The following ZNF808 variants were observed in gnomAD, a reference collection of about 807,000 sequenced individuals.
ZNF808 encodes the protein zinc finger protein 808.
ZNF808 carries 5 observed loss-of-function variants against 8.7 expected under a neutral mutation model. The observed-to-expected ratio is 0.58, with a 90% CI of 0.30 to 1.21. ZNF808 has a LOEUF of 1.21. Ranked by LOEUF, ZNF808 falls within the 50% of genes most tolerant of loss-of-function variation. The pLI is 0.07. For synonymous variants in ZNF808, 380 were observed against 366.0 expected, an observed-to-expected ratio of 1.04 and a Z score of -0.44; for missense variants, 1,103 against 1,098.4, an observed-to-expected ratio of 1.00 and a Z score of -0.06.
downstream of ZNF808, among the ~76,000 whole-genome samples, chr19:52,567,466 C>A (rs2059875601): frequency 6.9e-6 from 1 of 145,258 alleles, no homozygotes; most frequent in Non-Finnish European, 1.5e-5. Flanking sequence ...AGGCTTGAGA[C>A]ACCTTGTCCA....
intron 1 of ZNF808, among the ~76,000 whole-genome samples, chr19:52,532,348 C>G (rs1332932962): frequency 2.0e-5 from 3 of 151,928 alleles, no homozygotes; most frequent in Non-Finnish European, 4.4e-5. Flanking sequence ...GCCTCTGCCT[C>G]CTGAGTAGCT....
rs2123132041 is a variant in ZNF808, at chr19:52,543,366, G to T, written c.63+19G>T. On this transcript the variant is annotated intron_variant, in intron 3 of 4. Coordinates refer to ENST00000359798, the MANE Select transcript of ZNF808 (RefSeq NM_001039886.4). The stretch of plus-strand genomic sequence containing the variant: ...TCCTCAGGTGAAGTGATATTCCTCT[G>T]TGGATTAATCTGTCTCTTTCCTTTC... The T allele has an allele frequency of 1.2e-6, 2 of 1,610,876 alleles. No individual in the cohort carries two copies. Among genetic ancestry groups the T allele is most frequent in the South Asian group, 1.1e-5 (1 of 90,984 alleles).
chr19:52,567,427 CTTTTTT>C (rs1292921599), downstream of ZNF808, among the ~76,000 whole-genome samples: 2 of 135,534 alleles, frequency 1.5e-5, no homozygotes, highest in African/African-American at 5.5e-5. Context: ...TTTTTTTTTT[CTTTTTT>C]TTTTTAAGAC....
At chr19:52,568,230 C>G (rs547891571), downstream of ZNF808, among the ~76,000 whole-genome samples, 1 of 152,090 alleles carries the variant, frequency 6.6e-6, no homozygotes, top group East Asian at 1.9e-4. Flanking sequence ...AGCCATTAGC[C>G]GGGCATGGTG....
chr19:52,564,404 CAT>C lies in ZNF808; in HGVS notation c.*1510_*1511del, dbSNP rs372045844. 6.2e-4 allele frequency: 211 copies of C among 340,012 alleles called. 1 individual carries two copies. The East Asian group carries it at 8.9e-3, about 14-fold the overall frequency. The allele number at this position is 340,012 out of a possible 1,614,324, so 21.1% of individuals were successfully genotyped here. On this transcript the variant is annotated 3_prime_UTR_variant and NMD_transcript_variant, in exon 4 of 4. Transcript: ENST00000487863. ...TTGGTTGGGTGGGTTCAGTAATAAA[CAT>C]GTGAGACCTTTCATTTCAAAAAAAA...
At chr19:52,536,954 A>T (rs1366309145) in intron 2 of ZNF808, among the ~76,000 whole-genome samples, 1 of 152,150 alleles carries the variant, frequency 6.6e-6, no homozygotes, top group Non-Finnish European at 1.5e-5. Flanking sequence ...TGGGAAGCTT[A>T]GGCGGGCGGA....
chr19:52,548,418 A>G (rs2059744015), intron 4 of ZNF808, among the ~76,000 whole-genome samples: 1 of 152,066 alleles, frequency 6.6e-6, no homozygotes, highest in Admixed American at 6.6e-5. Context: ...CAACTTGTTC[A>G]TTTCTATGTT....
chr19:52,567,017 T>C (rs1309019201), downstream of ZNF808, among the ~76,000 whole-genome samples: 1 of 150,560 alleles, frequency 6.6e-6, no homozygotes, highest in Non-Finnish European at 1.5e-5. Flanking sequence ...AATAGGACAA[T>C]CTCGGCTCAT....
chr19:52,554,966 T>G lies in ZNF808; in HGVS notation c.2050T>G (p.Cys684Gly). Reference protein sequence around the residue: ...GGEKSYKCKVCDKAFVCRSYV... With the variant: ...GGEKSYKCKVGDKAFVCRSYV... ...AGAGAAATCTTACAAATGTAAGGTT[T>G]GTGACAAGGCTTTCGTGTGTCGTTC... is the stretch of plus-strand genomic sequence containing the variant. The change falls in exon 5 of 5, where the codon TGT becomes GGT. Residue 684 changes from cysteine (C) to glycine (G), a missense_variant. By Grantham distance (159) the Cys-to-Gly change is radical. Coordinates refer to ENST00000359798, the MANE Select transcript of ZNF808 (RefSeq NM_001039886.4). 6.2e-7 allele frequency: 1 copy of G among 1,614,194 alleles called. No individual in the cohort carries two copies.
At position 52,533,028 on chromosome 19, in the gene ZNF808, A is replaced by G. The variant is rs1174363194; in HGVS notation, c.-20+19A>G. 1.3e-5 allele frequency: 2 copies of G among 152,356 alleles called. No homozygotes were observed. 9.4% of individuals were successfully genotyped at this position (152,356 alleles called of 1,614,324 possible). A position where few individuals can be genotyped will look rare whatever the true frequency, so the allele number is the denominator to read the frequency against. On this transcript the variant is annotated intron_variant, in intron 2 of 4. Transcript: ENST00000359798. ...AGCCTGGGTGAGTGAGCTACACCCT[A>G]TCTCAAACAAACAAGCCAATAAATG...
At chr19:52,562,131 A>C (rs1339175432) in intron 3 of ZNF808, among the ~76,000 whole-genome samples, 1 of 152,142 alleles carries the variant, frequency 6.6e-6, no homozygotes, top group Non-Finnish European at 1.5e-5. Context: ...TAATCTCAGC[A>C]CTTTGGGAGG....
chr19:52,558,309 G>T (rs1202804170), downstream of ZNF808, among the ~76,000 whole-genome samples: 2 of 151,448 alleles, frequency 1.3e-5, no homozygotes, highest in Admixed American at 1.3e-4. Flanking sequence ...TGATCCGCCT[G>T]CCTCGGCCTC....
chr19:52,556,870 G>A (rs761788624), downstream of ZNF808: 2 of 152,138 alleles, frequency 1.3e-5, no homozygotes, highest in South Asian at 2.1e-4. Context: ...TATTTATTGC[G>A]TGTTTCTCTC....
chr19:52,557,258 C>G (rs1179062823), downstream of ZNF808, among the ~76,000 whole-genome samples: 1 of 150,560 alleles, frequency 6.6e-6, no homozygotes, highest in Non-Finnish European at 1.5e-5. Flanking sequence ...CATGAGCCAC[C>G]GTGCCCCGCC....
chr19:52,547,836 T>C (rs1184003725), intron 4 of ZNF808, among the ~76,000 whole-genome samples, 198 bp downstream of exon 4: 2 of 150,466 alleles, frequency 1.3e-5, no homozygotes, highest in African/African-American at 2.5e-5. Context: ...GCCTTCCAGG[T>C]TCAAGTGATT....
At chr19:52,547,104 T>C (rs2059729653) in intron 3 of ZNF808, among the ~76,000 whole-genome samples, 1 of 151,850 alleles carries the variant, frequency 6.6e-6, no homozygotes, top group Admixed American at 6.6e-5. Flanking sequence ...CCTGCCACCA[T>C]GTCCGTCTAA....
intron 3 of ZNF808, among the ~76,000 whole-genome samples, chr19:52,544,121 T>G (rs1568484071): frequency 6.6e-6 from 1 of 152,090 alleles, no homozygotes; most frequent in Non-Finnish European, 1.5e-5. Flanking sequence ...ATTGTGCCAC[T>G]GCACTCCAGC....
At position 52,549,658 on chromosome 19, in the gene ZNF808, A is replaced by G. The variant is rs970064104; in HGVS notation, c.190+2020A>G. Among the ~76,000 whole-genome samples, 4 of 152,106 alleles carry G rather than the reference A, an allele frequency of 2.6e-5. No homozygotes were observed. The East Asian group carries it at 7.7e-4, about 29-fold the overall frequency. On this transcript the variant is annotated intron_variant, in intron 4 of 4. Transcript: ENST00000359798. The stretch of plus-strand genomic sequence containing the variant: ...ATTATATTCCCACAGAGGTGCATGC[A>G]CAAAGTTTACTCCTACATGCCCATT...
intron 1 of ZNF808, among the ~76,000 whole-genome samples, chr19:52,532,655 G>A (rs1230284247): frequency 6.6e-6 from 1 of 151,982 alleles, no homozygotes; most frequent in African/African-American, 2.4e-5. Flanking sequence ...CCTTACTTTA[G>A]GCTTACACAT....
Sources: gnomAD v4.1 joint callset for allele counts (sites outside exome capture counted in the v4.1 genomes callset) on GRCh38, gnomAD v4.1.1 for gene constraint, MANE v1.5 for transcripts, NCBI Gene and HGNC (gene_info 2026-07-23, HGNC 2026-07-21) for gene names.